EDA: variants seen among roughly 807,000 people sequenced by gnomAD.
EDA encodes the protein ectodysplasin A.
A neutral mutation model predicts 23.6 loss-of-function variants in EDA; 2 were observed. The ratio of observed to expected loss-of-function variants is 0.08; its 90% confidence interval spans 0.03 to 0.27. The LOEUF (loss-of-function observed/expected upper bound fraction) is 0.27, where lower values mean the gene tolerates loss of function less well. Ranked by LOEUF, EDA falls within the 10% of genes least tolerant of loss-of-function variation. The pLI is 1.00. For synonymous variants in EDA, 131 were observed against 132.0 expected (o/e 0.99, Z 0.05); for missense variants, 229 against 324.2 (o/e 0.71, Z 2.26).
At chrX:69,705,449 C>T (rs2011680860) in intron 1 of EDA, among the ~76,000 whole-genome samples, 1 of 111,355 alleles carries the variant, frequency 9.0e-6, no homozygotes, top group African/African-American at 3.3e-5. Flanking sequence ...ATTCATCTTT[C>T]CCTAACACCA....
intron 1 of EDA, among the ~76,000 whole-genome samples, chrX:69,691,160 T>A (rs1934702417): frequency 8.9e-6 from 1 of 111,961 alleles, no homozygotes; most frequent in African/African-American, 3.2e-5. Context: ...GACAGTGTGT[T>A]CCTGGCCACA....
Position 70,037,627 on chromosome X carries a change from A to G in EDA, c.*2018A>G, listed in dbSNP as rs1160177907. On this transcript the variant is annotated 3_prime_UTR_variant, in exon 8 of 8. Transcript: ENST00000374552. ...CCAGGTCTGACTCCAAAGCTGTTCC[A>G]TTACACCACAGCATTGTGTGGAATT... 8.9e-6 allele frequency: 1 copy of G among 111,735 alleles called. No individual in the cohort carries two copies. The highest frequency in any genetic ancestry group is 1.9e-5 in the Non-Finnish European group (1 of 53,163). The allele number at this position is 111,735 out of a possible 1,213,427, so 9.2% of individuals were successfully genotyped here.
At chrX:69,688,718 C>T (rs1273310650) in intron 1 of EDA, among the ~76,000 whole-genome samples, 3 of 111,392 alleles carry the variant, frequency 2.7e-5, no homozygotes, top group Non-Finnish European at 5.7e-5. Context: ...ACATATGTCA[C>T]TCAGAGTGGC....
intron 1 of EDA, among the ~76,000 whole-genome samples, chrX:69,669,206 CT>C (rs779900247): frequency 1.2e-3 from 126 of 101,911 alleles, no homozygotes; most frequent in Admixed American, 1.6e-3. Flanking sequence ...ATAGTTGGAC[CT>C]TTTTTTTTTT....
chrX:69,774,165 A>G (rs1047298362), intron 1 of EDA, among the ~76,000 whole-genome samples: 3 of 111,673 alleles, frequency 2.7e-5, no homozygotes, highest in African/African-American at 9.8e-5. Context: ...TTGTGTGATC[A>G]CTAGATAATG....
At chrX:69,705,785 T>C (rs987296140) in intron 1 of EDA, among the ~76,000 whole-genome samples, 6 of 111,954 alleles carry the variant, frequency 5.4e-5, no homozygotes, top group African/African-American at 1.9e-4. Context: ...TTAAGAACCA[T>C]CTAAAAATTT....
At chrX:70,006,789 GT>G (rs754605481) in intron 2 of EDA, among the ~76,000 whole-genome samples, 7 of 110,580 alleles carry the variant, frequency 6.3e-5, no homozygotes, top group Non-Finnish European at 1.1e-4. Context: ...CAACTTATCA[GT>G]TTTTTTTCTT....
intron 2 of EDA, among the ~76,000 whole-genome samples, chrX:70,011,945 G>A (rs984229603): frequency 8.9e-6 from 1 of 111,746 alleles, no homozygotes; most frequent in Non-Finnish European, 1.9e-5. Flanking sequence ...TGGTCATTTT[G>A]TGGTTGAGTA....
intron 1 of EDA, among the ~76,000 whole-genome samples, chrX:69,881,044 T>C (rs1262788657): frequency 9.0e-6 from 1 of 111,588 alleles, no homozygotes; most frequent in Non-Finnish European, 1.9e-5. Flanking sequence ...TCCTTGCCTT[T>C]GGCAAGGGGG....
At chrX:70,001,380 G>A (rs1294036319) in intron 2 of EDA, among the ~76,000 whole-genome samples, 1 of 91,125 alleles carries the variant, frequency 1.1e-5, no homozygotes, top group African/African-American at 5.1e-5. Context: ...CAATGTAATC[G>A]CTGTTTGTGG....
chrX:69,812,867 T>C (rs2015993047), intron 1 of EDA, among the ~76,000 whole-genome samples: 1 of 111,731 alleles, frequency 9.0e-6, no homozygotes, highest in South Asian at 3.8e-4. Context: ...TTGAAATGTA[T>C]TTTTGGAATT....
intron 1 of EDA, among the ~76,000 whole-genome samples, chrX:69,634,099 A>G (rs1223226959): frequency 8.9e-6 from 1 of 112,317 alleles, no homozygotes; most frequent in East Asian, 2.8e-4. Flanking sequence ...GCATTTCCCT[A>G]AAGACTAATG....
chrX:69,662,136 A>G (rs910347467), intron 1 of EDA, among the ~76,000 whole-genome samples: 4 of 111,298 alleles, frequency 3.6e-5, no homozygotes, highest in African/African-American at 1.3e-4. Context: ...TTCTCCCTCA[A>G]GCCCCCACCC....
At chrX:69,989,577 G>A (rs1452588837) in intron 2 of EDA, among the ~76,000 whole-genome samples, 1 of 111,075 alleles carries the variant, frequency 9.0e-6, no homozygotes, top group African/African-American at 3.3e-5. Flanking sequence ...TAAAACAGCT[G>A]TAGTAAAATC....
intron 1 of EDA, among the ~76,000 whole-genome samples, chrX:69,727,015 A>G (rs2012831756): frequency 8.9e-6 from 1 of 111,794 alleles, no homozygotes; most frequent in Non-Finnish European, 1.9e-5. Flanking sequence ...TCTGGCGTTC[A>G]AGAAGAATCA....
intron 1 of EDA, among the ~76,000 whole-genome samples, chrX:69,954,005 C>T (rs1014993114): frequency 3.6e-5 from 4 of 111,070 alleles, no homozygotes; most frequent in African/African-American, 9.8e-5. Flanking sequence ...CTCTTCAACC[C>T]GTATGCTTAA....
intron 1 of EDA, among the ~76,000 whole-genome samples, chrX:69,901,780 T>A (rs1427847925): frequency 9.0e-6 from 1 of 111,398 alleles, no homozygotes; most frequent in Non-Finnish European, 1.9e-5. Context: ...AGTGGGGAGC[T>A]CAGTTTGTGC....
intron 2 of EDA, among the ~76,000 whole-genome samples, chrX:70,017,031 T>C (rs1257606577): frequency 1.9e-5 from 2 of 106,433 alleles, no homozygotes; most frequent in Non-Finnish European, 3.8e-5. Context: ...GGCATTACCA[T>C]CAATACAACA....
chrX:69,925,093 G>A (rs79173274), intron 1 of EDA, among the ~76,000 whole-genome samples: 4 of 111,723 alleles, frequency 3.6e-5, no homozygotes, highest in Non-Finnish European at 7.5e-5. Context: ...CATGTTGTCT[G>A]CAAACAGAGA....
Sources: gnomAD v4.1 joint callset for allele counts (sites outside exome capture counted in the v4.1 genomes callset) on GRCh38, gnomAD v4.1.1 for gene constraint, MANE v1.5 for transcripts, NCBI Gene and HGNC (gene_info 2026-07-23, HGNC 2026-07-21) for gene names.